The following UNC79 variants were observed in gnomAD, a reference collection of about 807,000 sequenced individuals.
UNC79 encodes protein unc-79 homolog.
A neutral mutation model predicts 283.1 loss-of-function variants in UNC79; 37 were observed. The observed-to-expected ratio is 0.13, with a 90% CI of 0.10 to 0.17. The LOEUF is 0.17. UNC79 is among the 10% of genes least tolerant of loss of function. The probability of loss-of-function intolerance (pLI) is 1.00; values close to 1 mark genes in which losing one functional copy is unlikely to be tolerated. For missense variants in UNC79, 2,272 were observed against 3,211.1 expected (o/e 0.71, Z 7.07); for synonymous variants, 1,107 against 1,200.2 (o/e 0.92, Z 1.61).
intron 1 of UNC79, among the ~76,000 whole-genome samples, chr14:93,401,739 T>A (rs1176371494): frequency 6.6e-6 from 1 of 152,230 alleles, no homozygotes; most frequent in Non-Finnish European, 1.5e-5. Flanking sequence ...TGAATCAAAT[T>A]GCCCAATGTC....
intron 7 of UNC79, among the ~76,000 whole-genome samples, chr14:93,522,069 C>T (rs1342304504): frequency 1.3e-5 from 2 of 151,816 alleles, no homozygotes; most frequent in Non-Finnish European, 2.9e-5. Context: ...AACACAGCAA[C>T]ACTCAGTAAA....
chr14:93,447,269 T>C (rs901980457), intron 1 of UNC79, among the ~76,000 whole-genome samples: 2 of 152,180 alleles, frequency 1.3e-5, no homozygotes, highest in Non-Finnish European at 2.9e-5. Flanking sequence ...TTTCCTACTG[T>C]CTTTTTAAAT....
intron 7 of UNC79, among the ~76,000 whole-genome samples, chr14:93,500,940 A>G (rs1321702983): frequency 6.6e-6 from 1 of 152,266 alleles, no homozygotes; most frequent in Non-Finnish European, 1.5e-5. Context: ...TATGGATTTT[A>G]TTAACTTAGA....
At chr14:93,532,131 A>G (rs1483211973) in intron 10 of UNC79, among the ~76,000 whole-genome samples, 2 of 152,084 alleles carry the variant, frequency 1.3e-5, no homozygotes, top group Non-Finnish European at 2.9e-5. Context: ...CATATTACTA[A>G]GATTTAAAAG....
intron 1 of UNC79, chr14:93,348,160 CTT>C (rs2053907025): frequency 4.7e-6 from 6 of 1,289,966 alleles, no homozygotes; most frequent in Non-Finnish European, 6.8e-6. Context: ...GTCCAAAAAA[CTT>C]TCAGAAAAAG....
intron 2 of UNC79, among the ~76,000 whole-genome samples, chr14:93,473,783 C>T (rs1037506168): frequency 6.6e-6 from 1 of 152,182 alleles, no homozygotes; most frequent in Non-Finnish European, 1.5e-5. Flanking sequence ...CTCTCCTTCA[C>T]CAAATTGCTA....
At chr14:93,558,503 C>T (rs1280891081) in intron 14 of UNC79, among the ~76,000 whole-genome samples, 1 of 149,744 alleles carries the variant, frequency 6.7e-6, no homozygotes, top group Non-Finnish European at 1.5e-5. Context: ...TTGCATTGAG[C>T]CGAGATCGCG....
At chr14:93,449,516 G>A (rs2056566887) in intron 1 of UNC79, among the ~76,000 whole-genome samples, 4 of 151,984 alleles carry the variant, frequency 2.6e-5, no homozygotes, top group Admixed American at 2.6e-4. Flanking sequence ...TACTTGGGAA[G>A]ATGAAGCCAG....
intron 1 of UNC79, among the ~76,000 whole-genome samples, chr14:93,385,143 G>A (rs2054743730): frequency 1.3e-5 from 2 of 152,118 alleles, no homozygotes; most frequent in South Asian, 4.1e-4. Context: ...GCTTAGGATA[G>A]CTTTGGCTAT....
intron 14 of UNC79, among the ~76,000 whole-genome samples, chr14:93,548,968 A>G (rs1228234965): frequency 2.6e-5 from 4 of 152,216 alleles, no homozygotes; most frequent in Non-Finnish European, 2.9e-5. Context: ...TGAATATACA[A>G]TCTCACAATT....
intron 11 of UNC79, among the ~76,000 whole-genome samples, chr14:93,535,563 T>C (rs1178635308): frequency 1.3e-5 from 2 of 152,130 alleles, no homozygotes; most frequent in African/African-American, 4.8e-5. Context: ...TGTTTGATGA[T>C]GTTTGGGGCT....
intron 38 of UNC79, among the ~76,000 whole-genome samples, chr14:93,657,590 G>A (rs1184290646): frequency 4.6e-5 from 7 of 151,962 alleles, no homozygotes; most frequent in Non-Finnish European, 1.0e-4. Context: ...TGACCTTGTG[G>A]TCCTCCTGCC....
chr14:93,412,101 AAAAG>A (rs2055347637), intron 1 of UNC79, among the ~76,000 whole-genome samples: 1 of 152,230 alleles, frequency 6.6e-6, no homozygotes, highest in African/African-American at 2.4e-5. Context: ...TATTGAAATA[AAAAG>A]AAGCAGAAAT....
chr14:93,429,000 A>C (rs2055791023), upstream of UNC79, among the ~76,000 whole-genome samples: 1 of 152,216 alleles, frequency 6.6e-6, no homozygotes, highest in Admixed American at 6.5e-5. Flanking sequence ...TAAAGGGATA[A>C]TAGGTTTCCA....
intron 20 of UNC79, among the ~76,000 whole-genome samples, chr14:93,583,435 A>G (rs568107635): frequency 6.6e-6 from 1 of 152,222 alleles, no homozygotes; most frequent in South Asian, 2.1e-4. Context: ...TTATTAGGGG[A>G]CTGTTTTCTG....
At chr14:93,428,214 G>A (rs770153582), upstream of UNC79, among the ~76,000 whole-genome samples, 2 of 152,270 alleles carry the variant, frequency 1.3e-5, no homozygotes, top group Admixed American at 1.3e-4. Flanking sequence ...AAGATGATAG[G>A]CACAGCTTTT....
At chr14:93,453,788 T>A (rs1018335684) in intron 1 of UNC79, among the ~76,000 whole-genome samples, 1 of 152,196 alleles carries the variant, frequency 6.6e-6, no homozygotes, top group Admixed American at 6.5e-5. Context: ...TGTTTCAAAT[T>A]GTTACATATC....
At chr14:93,393,272 G>A (rs77873242) in intron 1 of UNC79, among the ~76,000 whole-genome samples, 1,706 of 152,286 alleles carry the variant, frequency 0.011, 35 homozygotes, top group African/African-American at 0.039. Flanking sequence ...TCCAACAAAA[G>A]TTTGGAGGGG....
At chr14:93,634,422 G>C (rs569853770) in intron 31 of UNC79, 99 bp from the exon 34 acceptor site, 1 of 872,448 alleles carries the variant, frequency 1.1e-6, no homozygotes, top group Middle Eastern at 3.5e-4. Context: ...ATTATGAATA[G>C]CAAATGAAGG....
Sources: allele counts gnomAD v4.1 joint callset (sites outside exome capture counted in the v4.1 genomes callset), GRCh38; gene constraint gnomAD v4.1.1; transcripts MANE v1.5; gene names NCBI Gene and HGNC (gene_info 2026-07-23, HGNC 2026-07-21).